LONP2: variants seen among roughly 807,000 people sequenced by gnomAD.
LONP2 encodes lon protease homolog 2, peroxisomal.
Under a neutral mutation model 85.6 loss-of-function variants are expected in LONP2, and 60 were observed. That is an observed-to-expected ratio of 0.70 (90% confidence interval 0.57 to 0.87). The LOEUF is 0.87. LONP2 is among the 40% of genes least tolerant of loss of function. The probability of loss-of-function intolerance (pLI) is 0.00; values close to 1 mark genes in which losing one functional copy is unlikely to be tolerated. For missense variants in LONP2, 860 were observed against 1,063.5 expected (o/e 0.81, Z 2.66); for synonymous variants, 395 against 389.7 (o/e 1.01, Z -0.16).
Position 48,244,468 on chromosome 16 carries a change from C to A in LONP2, c.80C>A (p.Ser27Tyr). The A allele has an allele frequency of 6.3e-7, 1 of 1,597,408 alleles. No individual in the cohort carries two copies. Among genetic ancestry groups the A allele is most frequent in the South Asian group, 1.1e-5 (1 of 89,276 alleles). Reference sequence around the variant, plus strand: ...CACGAGGGCGTCCTGCTGCCCGGCTCCACCATGCGCACCAGCGTGGACTCG... The same window carrying A: ...CACGAGGGCGTCCTGCTGCCCGGCTACACCATGCGCACCAGCGTGGACTCG... ...LTHEGVLLPGSTMRTSVDSAR... is the reference protein window; with the variant it reads ...LTHEGVLLPGYTMRTSVDSAR... The change falls in exon 1 of 15, where the codon TCC becomes TAC. Residue 27 changes from serine (S) to tyrosine (Y), a missense_variant. By Grantham distance (144) the Ser-to-Tyr change is moderately radical. Around this residue, in one of 3 missense-constraint regions of LONP2, gnomAD observed 743 missense variants for 917.3 expected, o/e 0.81. Transcript: ENST00000285737.
At chr16:48,327,062 A>G (rs956382887) in intron 11 of LONP2, among the ~76,000 whole-genome samples, 1 of 152,036 alleles carries the variant, frequency 6.6e-6, no homozygotes, top group Admixed American at 6.6e-5. Context: ...ACCGCATTTC[A>G]CTCTCACTTG....
intron 11 of LONP2, among the ~76,000 whole-genome samples, chr16:48,308,250 A>G (rs1223737970): frequency 2.6e-5 from 4 of 152,210 alleles, no homozygotes; most frequent in Non-Finnish European, 5.9e-5. Flanking sequence ...AGGACAACCT[A>G]TTCAGTAAAT....
chr16:48,348,060 T>C lies in LONP2; in HGVS notation c.2147-40T>C, dbSNP rs754791052. ...TTTTTAGGAGAAAAAGAAAACAGGT[T>C]TAATTTTTCTACATTAAAGTCCCTT... On this transcript the variant is annotated intron_variant, in intron 13 of 14. Transcript: ENST00000285737. 1.9e-5 allele frequency: 29 copies of C among 1,542,100 alleles called. No individual in the cohort carries two copies. The African/African-American group carries it at 3.8e-4, about 20-fold the overall frequency.
chr16:48,299,844 G>A lies in LONP2; in HGVS notation c.1661+56G>A. ...TCCAGGCAACTTTTGAGTATTTACTGAGTTACCAAACAGGACATAGAGTAT... is the reference window on the plus strand; with the variant it reads ...TCCAGGCAACTTTTGAGTATTTACTAAGTTACCAAACAGGACATAGAGTAT... On this transcript the variant is annotated intron_variant, in intron 10 of 14. Coordinates refer to ENST00000285737, the MANE Select transcript of LONP2 (RefSeq NM_031490.5). 2.6e-6 allele frequency: 4 copies of A among 1,554,934 alleles called. No homozygotes were observed. In the South Asian group the frequency reaches 4.8e-5, roughly 18 times the overall value.
At chr16:48,326,749 C>T (rs1412460642) in intron 11 of LONP2, among the ~76,000 whole-genome samples, 1 of 152,200 alleles carries the variant, frequency 6.6e-6, no homozygotes, top group African/African-American at 2.4e-5. Flanking sequence ...CAGAGAGCTA[C>T]TGAAGTTTCC....
chr16:48,304,764 G>C (rs998815708), intron 11 of LONP2, among the ~76,000 whole-genome samples: 5 of 152,056 alleles, frequency 3.3e-5, no homozygotes, highest in African/African-American at 1.2e-4. Context: ...AACTGTAAGG[G>C]GTCTCAGTTC....
At chr16:48,265,421 A>C (rs1182906454) in intron 6 of LONP2, among the ~76,000 whole-genome samples, 1 of 152,196 alleles carries the variant, frequency 6.6e-6, no homozygotes. Context: ...GTTCAAGTGC[A>C]TTCTTCTGCC....
chr16:48,271,581 A>G (rs1251375099), intron 7 of LONP2, among the ~76,000 whole-genome samples: 1 of 152,136 alleles, frequency 6.6e-6, no homozygotes, highest in African/African-American at 2.4e-5. Flanking sequence ...ATTCTTACGC[A>G]TTTAAAAAGT....
At chr16:48,348,830 A>T (rs1228336675) in intron 14 of LONP2, among the ~76,000 whole-genome samples, 1 of 152,154 alleles carries the variant, frequency 6.6e-6, no homozygotes, top group East Asian at 1.9e-4. Flanking sequence ...AGGGAAAAAA[A>T]TATTAGTGTG....
intron 11 of LONP2, among the ~76,000 whole-genome samples, chr16:48,321,901 CTTA>C (rs1399181724): frequency 6.6e-6 from 1 of 151,694 alleles, no homozygotes; most frequent in Non-Finnish European, 1.5e-5. Context: ...CTACTATAGA[CTTA>C]TTAACACTGT....
chr16:48,333,618 T>C (rs1293825257), intron 11 of LONP2, among the ~76,000 whole-genome samples: 1 of 143,926 alleles, frequency 6.9e-6, no homozygotes, highest in Non-Finnish European at 1.5e-5. Flanking sequence ...CAGTGAGCTG[T>C]GTTCACACCA....
chr16:48,317,173 C>A (rs753073880), intron 11 of LONP2, among the ~76,000 whole-genome samples: 25 of 152,164 alleles, frequency 1.6e-4, no homozygotes, highest in Non-Finnish European at 3.7e-4. Context: ...TCTTTAGCAT[C>A]CTGGCTTCTC....
chr16:48,318,412 G>C (rs953712312), intron 11 of LONP2, among the ~76,000 whole-genome samples: 1 of 152,058 alleles, frequency 6.6e-6, no homozygotes, highest in Non-Finnish European at 1.5e-5. Context: ...CCAGCTACTT[G>C]GGAGGCTGAG....
intron 7 of LONP2, among the ~76,000 whole-genome samples, chr16:48,273,037 A>G (rs756638292): frequency 9.2e-5 from 14 of 152,164 alleles, no homozygotes; most frequent in Non-Finnish European, 1.5e-4. Flanking sequence ...CATTTGGGAG[A>G]CAACCCAGGT....
At chr16:48,301,178 C>T (rs1234721616) in intron 10 of LONP2, among the ~76,000 whole-genome samples, 3 of 152,110 alleles carry the variant, frequency 2.0e-5, no homozygotes, top group Non-Finnish European at 4.4e-5. Context: ...TTGAGTTTTT[C>T]ATCTTTTGTG....
chr16:48,280,671 T>G (rs1435208025), intron 8 of LONP2, among the ~76,000 whole-genome samples: 1 of 152,196 alleles, frequency 6.6e-6, no homozygotes, highest in African/African-American at 2.4e-5. Flanking sequence ...ATGAATAGCA[T>G]TGGTTCCTTA....
chr16:48,254,353 T>C (rs1971713010), intron 2 of LONP2, among the ~76,000 whole-genome samples: 1 of 151,574 alleles, frequency 6.6e-6, no homozygotes. Flanking sequence ...GGGAGTGCTC[T>C]TCCATCTCTG....
intron 11 of LONP2, among the ~76,000 whole-genome samples, chr16:48,333,844 G>A (rs1596994074): frequency 6.6e-6 from 1 of 152,336 alleles, no homozygotes; most frequent in South Asian, 2.1e-4. Flanking sequence ...TAGCCCTTCA[G>A]TCTTTGTCCT....
chr16:48,340,783 T>C (rs1959787361), intron 12 of LONP2, among the ~76,000 whole-genome samples: 1 of 150,228 alleles, frequency 6.7e-6, no homozygotes, highest in Admixed American at 6.6e-5. Context: ...TGAGACCTGG[T>C]CTCTACAAAA....
Sources: gnomAD v4.1 joint callset for allele counts (sites outside exome capture counted in the v4.1 genomes callset) on GRCh38, gnomAD v4.1.1 for gene constraint, gnomAD v4.1.1 regional missense constraint, MANE v1.5 for transcripts, NCBI Gene and HGNC (gene_info 2026-07-23, HGNC 2026-07-21) for gene names.